KCND2: variants seen among roughly 807,000 people sequenced by gnomAD.
KCND2 encodes A-type voltage-gated potassium channel KCND2.
In KCND2, 16 loss-of-function variants were observed where a neutral mutation model predicts 54.4. The ratio of observed to expected loss-of-function variants is 0.29; its 90% CI spans 0.20 to 0.45. The LOEUF is 0.45. Among genes scored for constraint, KCND2 ranks in the 20% least tolerant of loss-of-function variants. KCND2 has a pLI of 1.00. For synonymous variants in KCND2, 317 were observed against 310.7 expected (o/e 1.02, Z -0.21); for missense variants, 486 against 824.2 (o/e 0.59, Z 5.02).
At chr7:120,358,625 C>G (rs1584745858) in intron 1 of KCND2, among the ~76,000 whole-genome samples, 1 of 152,016 alleles carries the variant, frequency 6.6e-6, no homozygotes, top group South Asian at 2.1e-4. Context: ...CTAAGTCTAC[C>G]CTGATGCACT....
intron 1 of KCND2, among the ~76,000 whole-genome samples, chr7:120,309,193 C>T (rs981871316): frequency 1.3e-5 from 2 of 151,950 alleles, no homozygotes; most frequent in Non-Finnish European, 2.9e-5. Context: ...CTAGACCTTG[C>T]GATCCCACTG....
At chr7:120,532,901 T>A (rs1261252435) in intron 1 of KCND2, among the ~76,000 whole-genome samples, 1 of 152,040 alleles carries the variant, frequency 6.6e-6, no homozygotes, top group African/African-American at 2.4e-5. Flanking sequence ...TAATGTCTTA[T>A]TATATTAAAA....
At chr7:120,528,023 T>C (rs772858170) in intron 1 of KCND2, among the ~76,000 whole-genome samples, 1 of 152,214 alleles carries the variant, frequency 6.6e-6, no homozygotes, top group Non-Finnish European at 1.5e-5. Context: ...TCTTGATTTT[T>C]GTTATTGTAC....
chr7:120,294,863 C>T (rs1007563790), intron 1 of KCND2, among the ~76,000 whole-genome samples: 11 of 151,718 alleles, frequency 7.3e-5, no homozygotes, highest in African/African-American at 2.4e-4. Flanking sequence ...CACATATGTA[C>T]ACATACATAT....
intron 1 of KCND2, among the ~76,000 whole-genome samples, chr7:120,397,213 A>G (rs1801167713): frequency 6.6e-6 from 1 of 152,086 alleles, no homozygotes; most frequent in South Asian, 2.1e-4. Context: ...AATCAAGTTC[A>G]GTTTGGTGTC....
intron 1 of KCND2, among the ~76,000 whole-genome samples, chr7:120,612,634 A>G (rs1792970970): frequency 1.3e-5 from 2 of 152,232 alleles, no homozygotes; most frequent in South Asian, 4.1e-4. Flanking sequence ...TAAGATCCAA[A>G]TACCCATAAT....
At chr7:120,385,560 A>G (rs73722588) in intron 1 of KCND2, among the ~76,000 whole-genome samples, 1,575 of 152,218 alleles carry the variant, frequency 0.01, 31 homozygotes, top group African/African-American at 0.036. Context: ...AATCTGCCAT[A>G]AGAGAAAGGT....
chr7:120,495,831 G>A (rs1802839636), intron 1 of KCND2, among the ~76,000 whole-genome samples: 2 of 152,200 alleles, frequency 1.3e-5, no homozygotes, highest in South Asian at 2.1e-4. Flanking sequence ...TGTCTTTAAT[G>A]CAGCAAAAAT....
intron 1 of KCND2, among the ~76,000 whole-genome samples, chr7:120,385,947 A>G (rs908921494): frequency 6.6e-5 from 10 of 152,134 alleles, no homozygotes; most frequent in Admixed American, 5.2e-4. Flanking sequence ...ACCTGATGAT[A>G]CTAATTCCAT....
At chr7:120,737,731 C>T (rs923763362) in intron 2 of KCND2, among the ~76,000 whole-genome samples, 1 of 151,964 alleles carries the variant, frequency 6.6e-6, no homozygotes, top group Admixed American at 6.6e-5. Context: ...ATTTTACTAA[C>T]CCTTAAATGA....
At chr7:120,713,120 G>A (rs1792561821) in intron 1 of KCND2, among the ~76,000 whole-genome samples, 1 of 152,086 alleles carries the variant, frequency 6.6e-6, no homozygotes, top group African/African-American at 2.4e-5. Flanking sequence ...TATTATAAAT[G>A]TATTTTTCCA....
intron 1 of KCND2, among the ~76,000 whole-genome samples, chr7:120,717,258 A>G (rs1792614698): frequency 6.6e-6 from 1 of 152,058 alleles, no homozygotes; most frequent in Non-Finnish European, 1.5e-5. Context: ...GACGATGTCA[A>G]TGGTTTGATG....
At chr7:120,309,177 G>GTAATGACTTAAAGGTCTA (rs1799690914) in intron 1 of KCND2, among the ~76,000 whole-genome samples, 1 of 152,024 alleles carries the variant, frequency 6.6e-6, no homozygotes, top group East Asian at 1.9e-4. Context: ...TCGTTATAGG[G>GTAATGACTTAAAGGTCTA]AAGAGCTAGA....
At chr7:120,280,714 C>G (rs2116254622) in intron 1 of KCND2, among the ~76,000 whole-genome samples, 1 of 147,092 alleles carries the variant, frequency 6.8e-6, no homozygotes. Context: ...TGTGGCTTGT[C>G]CATAGTTACA....
intron 1 of KCND2, among the ~76,000 whole-genome samples, chr7:120,626,274 T>C (rs979841234): frequency 6.6e-6 from 1 of 152,200 alleles, no homozygotes; most frequent in Admixed American, 6.5e-5. Context: ...ATTCAAAACC[T>C]ACATCATATT....
chr7:120,539,595 G>A (rs1264726582), intron 1 of KCND2, among the ~76,000 whole-genome samples: 1 of 152,064 alleles, frequency 6.6e-6, no homozygotes, highest in Non-Finnish European at 1.5e-5. Context: ...ACCCATTAAT[G>A]GAGACACAGG....
intron 1 of KCND2, among the ~76,000 whole-genome samples, chr7:120,445,080 T>C (rs1482291703): frequency 3.9e-5 from 6 of 152,166 alleles, no homozygotes; most frequent in Non-Finnish European, 8.8e-5. Context: ...GTAAAATTGA[T>C]TTTGTTATCC....
chr7:120,509,574 A>T (rs564527561), intron 1 of KCND2, among the ~76,000 whole-genome samples: 1 of 152,158 alleles, frequency 6.6e-6, no homozygotes, highest in African/African-American at 2.4e-5. Flanking sequence ...TTGGCAACAC[A>T]CCACAGCGGT....
At chr7:120,516,975 T>C (rs1277944026) in intron 1 of KCND2, among the ~76,000 whole-genome samples, 1 of 152,152 alleles carries the variant, frequency 6.6e-6, no homozygotes, top group African/African-American at 2.4e-5. Context: ...CATTAAAATA[T>C]ATTGTCAAAA....
Sources: allele counts gnomAD v4.1 joint callset (sites outside exome capture counted in the v4.1 genomes callset), GRCh38; gene constraint gnomAD v4.1.1; transcripts MANE v1.5; gene names NCBI Gene and HGNC (gene_info 2026-07-23, HGNC 2026-07-21).